The following SLFN12 variants were observed in gnomAD, a reference collection of about 807,000 sequenced individuals.
The protein encoded by SLFN12 is ribonuclease SLFN12.
A neutral mutation model predicts 29.1 loss-of-function variants in SLFN12; 25 were observed. That is an observed-to-expected ratio of 0.86 (90% confidence interval 0.63 to 1.20). SLFN12 has a LOEUF of 1.20. Ranked by LOEUF, SLFN12 falls within the 50% of genes most tolerant of loss-of-function variation. The probability of loss-of-function intolerance (pLI) is 0.00; values close to 1 mark genes in which losing one functional copy is unlikely to be tolerated. For missense variants in SLFN12, 660 were observed against 666.2 expected, an observed-to-expected ratio of 0.99 and a Z score of 0.10; for synonymous variants, 257 against 238.7, an observed-to-expected ratio of 1.08 and a Z score of -0.71.
chr17:35,428,452 C>T (rs1223975182), intron 1 of SLFN12, among the ~76,000 whole-genome samples: 1 of 152,034 alleles, frequency 6.6e-6, no homozygotes, highest in Non-Finnish European at 1.5e-5. Flanking sequence ...GATTACAGAA[C>T]TTTTCCCCTG....
chr17:35,419,797 C>T (rs571012359), intron 3 of SLFN12, among the ~76,000 whole-genome samples: 2 of 152,236 alleles, frequency 1.3e-5, no homozygotes, highest in South Asian at 2.1e-4. Flanking sequence ...AAATCTTGCA[C>T]ATATGCACTA....
rs372943525 is a variant in SLFN12, at chr17:35,421,984, C to T, written c.1039+6G>A. 279 of 1,610,106 alleles carry T rather than the reference C, an allele frequency of 1.7e-4. 1 individual carries two copies. Among genetic ancestry groups the T allele is most frequent in the Non-Finnish European group, 2.3e-4 (270 of 1,177,154 alleles). ...GCATTCCTGTTGCGAATCCCCCGCTCTCAACTTGGTTCAGCCTCCACCATG... is the reference window on the plus strand; with the variant it reads ...GCATTCCTGTTGCGAATCCCCCGCTTTCAACTTGGTTCAGCCTCCACCATG... On this transcript the variant is annotated splice_donor_region_variant and intron_variant, in intron 2 of 3. Coordinates refer to ENST00000304905, the MANE Select transcript of SLFN12 (RefSeq NM_018042.5).
chr17:35,411,123 T>C lies in SLFN12; in HGVS notation c.*215A>G, dbSNP rs143684821. 1.7e-3 allele frequency: 739 copies of C among 430,022 alleles called. 15 individuals carry two copies. The East Asian group carries it at 0.025, about 14-fold the overall frequency. 26.6% of individuals were successfully genotyped at this position (430,022 alleles called of 1,614,324 possible). On this transcript the variant is annotated 3_prime_UTR_variant, in exon 4 of 4. Coordinates refer to ENST00000304905, the MANE Select transcript of SLFN12 (RefSeq NM_018042.5). The stretch of plus-strand genomic sequence containing the variant: ...ACTACAGACAGAGTAAATAATACTG[T>C]GCACAGACGAGTTAACAAATTAATT...
At chr17:35,421,249 TAAATAAATAG>T (rs2083052502) in intron 2 of SLFN12, among the ~76,000 whole-genome samples, 1 of 146,676 alleles carries the variant, frequency 6.8e-6, no homozygotes, top group Non-Finnish European at 1.5e-5. Flanking sequence ...AATAAATAAA[TAAATAAATAG>T]AAAGGGGACA....
chr17:35,421,937 C>T (rs968551105), intron 2 of SLFN12, 53 bp downstream of exon 2: 3 of 1,573,950 alleles, frequency 1.9e-6, no homozygotes, highest in African/African-American at 2.7e-5. Flanking sequence ...TAGAGAAAAC[C>T]TCCCTGCCAC....
chr17:35,428,864 C>T (rs1473797454), intron 1 of SLFN12, among the ~76,000 whole-genome samples: 1 of 152,046 alleles, frequency 6.6e-6, no homozygotes, highest in Non-Finnish European at 1.5e-5. Flanking sequence ...GTTCTTTAGA[C>T]CCAATTTCTT....
intron 1 of SLFN12, among the ~76,000 whole-genome samples, chr17:35,425,455 T>A (rs975597641): frequency 2.0e-5 from 3 of 152,084 alleles, no homozygotes; most frequent in Admixed American, 2.0e-4. Flanking sequence ...TAACCACTAT[T>A]CTACTCTATA....
intron 2 of SLFN12, among the ~76,000 whole-genome samples, chr17:35,421,199 A>C (rs1911614913): frequency 6.7e-6 from 1 of 148,962 alleles, no homozygotes; most frequent in African/African-American, 2.5e-5. Context: ...ACAGAGCAAG[A>C]CTCCGTCTCA....
At chr17:35,412,070 A>G in intron 3 of SLFN12, 143 bp from the exon 4 acceptor site, 2 of 621,692 alleles carry the variant, frequency 3.2e-6, no homozygotes, top group African/African-American at 1.9e-5. Context: ...AATAATTTAA[A>G]GAACTAGAAA....
Position 35,414,744 on chromosome 17 carries a change from A to T in SLFN12, c.1148-2817T>A, listed in dbSNP as rs1911221196. ...GAGTGACCAAGCTGAGAATCAAATC[A>T]AAACCTCAATCCCTCCGACAACAGC... On this transcript the variant is annotated intron_variant, in intron 3 of 3. Coordinates refer to ENST00000304905, the MANE Select transcript of SLFN12 (RefSeq NM_018042.5). Among the ~76,000 whole-genome samples the T allele has an allele frequency of 2.0e-5, 3 of 152,256 alleles. No individual in the cohort carries two copies. In the South Asian group the frequency reaches 6.2e-4, roughly 32 times the overall value.
rs1487960787 is a variant in SLFN12, at chr17:35,416,633, AT to A, written c.1147+3640del. On this transcript the variant is annotated intron_variant, in intron 3 of 3. Transcript: ENST00000304905. The stretch of plus-strand genomic sequence containing the variant: ...CACAAGAAAATAAAAATAGCCTGAA[AT>A]AAGGATCTGAAATATAAGTCAGACT... 2.6e-5 allele frequency among the ~76,000 whole-genome samples: 4 copies of A among 152,216 alleles called. No homozygotes were observed. The East Asian group carries it at 7.7e-4, about 29-fold the overall frequency.
rs1413384406 is a variant in SLFN12, at chr17:35,421,574, C to G, written c.1039+416G>C. On this transcript the variant is annotated intron_variant, in intron 2 of 3. Coordinates refer to ENST00000304905, the MANE Select transcript of SLFN12 (RefSeq NM_018042.5). ...TTTTTTTTTGAGATGGAGTCTCGCT[C>G]TGTTGCCCAGGCTGGAGTGCAGTGG... Among the ~76,000 whole-genome samples, 3 of 126,204 alleles carry G rather than the reference C, an allele frequency of 2.4e-5. 1 individual carries two copies. Among genetic ancestry groups the G allele is most frequent in the South Asian group, 2.7e-4 (1 of 3,734 alleles). The allele number at this position is 126,204 out of a possible 152,430, so 82.8% of individuals were successfully genotyped here.
intron 2 of SLFN12, among the ~76,000 whole-genome samples, chr17:35,421,158 G>A (rs2142039843): frequency 6.6e-6 from 1 of 151,460 alleles, no homozygotes; most frequent in East Asian, 1.9e-4. Flanking sequence ...GCAGTAAGCC[G>A]AGATCCTGCC....
At chr17:35,427,349 T>G (rs1382713929) in intron 1 of SLFN12, among the ~76,000 whole-genome samples, 2 of 152,192 alleles carry the variant, frequency 1.3e-5, no homozygotes, top group Non-Finnish European at 2.9e-5. Context: ...TGAAGCTTCC[T>G]AATCCACTAT....
rs1208873657 is a variant in SLFN12 at position 35,411,934 on chromosome 17, AAG to A, written c.1148-9_1148-8del. Reference sequence around the variant, plus strand: ...GTTATCCTTCCTGATAGCCCTGAATAAGGAAATAATAATAATAAATTATAAAA... The same window carrying A: ...GTTATCCTTCCTGATAGCCCTGAATAGAAATAATAATAATAAATTATAAAA... On this transcript the variant is annotated splice_region_variant and splice_polypyrimidine_tract_variant and intron_variant, in intron 3 of 3. Coordinates refer to ENST00000304905, the MANE Select transcript of SLFN12 (RefSeq NM_018042.5). The A allele has an allele frequency of 6.5e-7, 1 of 1,535,516 alleles. No individual in the cohort carries two copies. The highest frequency in any genetic ancestry group is 8.8e-7 in the Non-Finnish European group (1 of 1,142,466).
intron 3 of SLFN12, among the ~76,000 whole-genome samples, chr17:35,414,194 G>A (rs969783892): frequency 1.3e-5 from 2 of 152,064 alleles, no homozygotes; most frequent in Middle Eastern, 6.8e-3. Context: ...AAATTGTCAC[G>A]GTTTGCCCAC....
At chr17:35,429,224 A>T (rs978110590) in intron 1 of SLFN12, among the ~76,000 whole-genome samples, 2 of 152,042 alleles carry the variant, frequency 1.3e-5, no homozygotes, top group Non-Finnish European at 2.9e-5. Context: ...TTGATTAAGG[A>T]GGGTGCTCAT....
chr17:35,423,112 A>C (rs1911805276), intron 1 of SLFN12, 44 bp from the exon 2 acceptor site: 3 of 1,509,052 alleles, frequency 2.0e-6, no homozygotes, highest in African/African-American at 2.8e-5. Flanking sequence ...TGAACTAGAA[A>C]GATAGCAAAT....
chr17:35,413,976 A>G (rs970717958), intron 3 of SLFN12, among the ~76,000 whole-genome samples: 2 of 152,052 alleles, frequency 1.3e-5, no homozygotes, highest in African/African-American at 4.8e-5. Context: ...GTATAGAAGG[A>G]ATGTACCTCA....
Sources: gnomAD v4.1 joint callset for allele counts (sites outside exome capture counted in the v4.1 genomes callset) on GRCh38, gnomAD v4.1.1 for gene constraint, MANE v1.5 for transcripts, NCBI Gene and HGNC (gene_info 2026-07-23, HGNC 2026-07-21) for gene names.